Variants in CORIN observed in about 807,000 individuals in gnomAD.
CORIN encodes corin, serine peptidase.
Under a neutral mutation model 125.3 loss-of-function variants are expected in CORIN, and 117 were observed. The observed-to-expected ratio is 0.93, with a 90% CI of 0.80 to 1.09. The LOEUF is 1.09. Among genes scored for constraint, CORIN ranks in the 50% least tolerant of loss-of-function variants. CORIN has a pLI of 0.00. For missense variants in CORIN, 1,253 were observed against 1,306.7 expected (o/e 0.96, Z 0.63); for synonymous variants, 450 against 466.4 (o/e 0.96, Z 0.45).
rs939364908 is a variant in CORIN at position 47,692,198 on chromosome 4, C to T, written c.913+772G>A. On this transcript the variant is annotated intron_variant, in intron 6 of 21. Transcript: ENST00000273857. ...ACTAACTGTGGCTGTTTATATAACCCTTAAAGAACAATTAGAACTCTTGCA... is the reference window on the plus strand; with the variant it reads ...ACTAACTGTGGCTGTTTATATAACCTTTAAAGAACAATTAGAACTCTTGCA... 3.3e-5 allele frequency among the ~76,000 whole-genome samples: 5 copies of T among 152,184 alleles called. No homozygotes were observed. In the East Asian group the frequency reaches 9.6e-4, roughly 29 times the overall value.
chr4:47,817,589 C>T (rs1404706365), intron 1 of CORIN, among the ~76,000 whole-genome samples: 1 of 152,182 alleles, frequency 6.6e-6, no homozygotes, highest in Non-Finnish European at 1.5e-5. Flanking sequence ...TGCCTGGAAA[C>T]TACAAAACAG....
intron 6 of CORIN, among the ~76,000 whole-genome samples, chr4:47,692,226 T>C (rs16860591): frequency 0.048 from 7,314 of 152,300 alleles, 549 homozygotes; most frequent in African/African-American, 0.16. Context: ...CTCTTGCATG[T>C]AGTGTTCTAA....
At chr4:47,619,610 C>T (rs1007126885) in intron 19 of CORIN, among the ~76,000 whole-genome samples, 2 of 152,120 alleles carry the variant, frequency 1.3e-5, no homozygotes, top group African/African-American at 4.8e-5. Context: ...CTTACCAAGG[C>T]CTTTAATATT....
chr4:47,632,725 T>TATAGATA (rs5858081), intron 16 of CORIN, among the ~76,000 whole-genome samples: 2 of 126,762 alleles, frequency 1.6e-5, no homozygotes, highest in Middle Eastern at 3.8e-3. Context: ...TGACAATAGA[T>TATAGATA]GATAGATAGA....
At chr4:47,616,358 T>C (rs963569236) in intron 19 of CORIN, among the ~76,000 whole-genome samples, 3 of 151,934 alleles carry the variant, frequency 2.0e-5, no homozygotes, top group African/African-American at 7.3e-5. Flanking sequence ...TCAGGACAGG[T>C]ATATAAACCA....
At chr4:47,607,462 T>A (rs1721698616) in intron 19 of CORIN, among the ~76,000 whole-genome samples, 1 of 152,148 alleles carries the variant, frequency 6.6e-6, no homozygotes, top group Admixed American at 6.5e-5. Context: ...ATTCACATAA[T>A]TTTTTGTATT....
chr4:47,647,362 A>G (rs1235565747), intron 13 of CORIN, among the ~76,000 whole-genome samples: 2 of 152,134 alleles, frequency 1.3e-5, no homozygotes, highest in Non-Finnish European at 2.9e-5. Context: ...ATAGAGAATG[A>G]AATAAAATAG....
chr4:47,727,052 G>A (rs1264761355), intron 5 of CORIN, among the ~76,000 whole-genome samples: 2 of 151,966 alleles, frequency 1.3e-5, no homozygotes, highest in African/African-American at 4.8e-5. Context: ...GACCATGCAT[G>A]GCTTTACTGA....
At chr4:47,675,795 A>G (rs1724989262) in intron 9 of CORIN, among the ~76,000 whole-genome samples, 1 of 152,040 alleles carries the variant, frequency 6.6e-6, no homozygotes, top group Non-Finnish European at 1.5e-5. Flanking sequence ...CTAGTCTCAA[A>G]CTCCTGGTCT....
Position 47,665,105 on chromosome 4 carries a change from G to A in CORIN, c.1516C>T (p.Leu506Phe). ...AAAATGGTGCAAGAAAAGAACATGA[G>A]GTATTTATAACAGTTGGTTTGAACA... ...ALVQTNCYKY[L>F]MFFSCTILVP... The change falls in exon 11 of 22, where the codon CTC becomes TTC. Residue 506 changes from leucine to phenylalanine, a missense_variant. Coordinates refer to ENST00000273857, the MANE Select transcript of CORIN (RefSeq NM_006587.4). The A allele has an allele frequency of 6.2e-7, 1 of 1,613,750 alleles. No individual in the cohort carries two copies. Among genetic ancestry groups the A allele is most frequent in the Non-Finnish European group, 8.5e-7 (1 of 1,179,800 alleles).
At chr4:47,804,504 A>T (rs1365820853) in intron 2 of CORIN, among the ~76,000 whole-genome samples, 4 of 152,178 alleles carry the variant, frequency 2.6e-5, no homozygotes, top group Non-Finnish European at 5.9e-5. Flanking sequence ...GTGCATATAT[A>T]CAATGGAGTA....
intron 3 of CORIN, among the ~76,000 whole-genome samples, chr4:47,772,675 C>T (rs571056140): frequency 1.3e-5 from 2 of 152,228 alleles, no homozygotes; most frequent in South Asian, 2.1e-4. Flanking sequence ...GTTTCCTCAT[C>T]TGTAAAATGG....
intron 21 of CORIN, among the ~76,000 whole-genome samples, chr4:47,599,938 C>A (rs528776848): frequency 6.6e-6 from 1 of 152,288 alleles, no homozygotes; most frequent in Non-Finnish European, 1.5e-5. Flanking sequence ...ATGAGATGAA[C>A]AGGAAAAATT....
intron 12 of CORIN, among the ~76,000 whole-genome samples, chr4:47,655,077 G>C (rs1182922307): frequency 2.6e-5 from 4 of 152,022 alleles, no homozygotes; most frequent in Non-Finnish European, 5.9e-5. Flanking sequence ...CAACCAAAAG[G>C]GAACCCACTG....
At chr4:47,808,052 G>A (rs1577941021) in intron 1 of CORIN, among the ~76,000 whole-genome samples, 1 of 152,112 alleles carries the variant, frequency 6.6e-6, no homozygotes, top group African/African-American at 2.4e-5. Context: ...CCAATGCCTG[G>A]TGGGTAGCAG....
In CORIN at chr4:47,738,219, C is replaced by T. The variant is rs4131599; in HGVS notation, c.799+6183G>A. Reference sequence around the variant, plus strand: ...GACCCAGAAAGGCCCAAATATCTCACCTGTGGCAGACATTGAGACCCTGTA... The same window carrying T: ...GACCCAGAAAGGCCCAAATATCTCATCTGTGGCAGACATTGAGACCCTGTA... On this transcript the variant is annotated intron_variant, in intron 5 of 21. Transcript: ENST00000273857. Among the ~76,000 whole-genome samples the T allele has an allele frequency of 3.4e-3, 514 of 152,176 alleles. 22 individuals are homozygous for T. The East Asian group carries it at 0.087, about 26-fold the overall frequency.
chr4:47,807,284 G>A lies in CORIN; in HGVS notation c.64-237C>T, dbSNP rs577991416. 2.0e-5 allele frequency among the ~76,000 whole-genome samples: 3 copies of A among 152,290 alleles called. No individual in the cohort carries two copies. The East Asian group carries it at 5.8e-4, about 29-fold the overall frequency. ...CTGAAACATTTTTCGGAAGTACATA[G>A]GCTTTTAACAATATCCCATTTTGCT... is the stretch of plus-strand genomic sequence containing the variant. On this transcript the variant is annotated intron_variant, in intron 1 of 21. Transcript: ENST00000273857.
intron 11 of CORIN, 88 bp from the exon 12 acceptor site, chr4:47,661,944 G>C: frequency 7.7e-7 from 1 of 1,298,260 alleles, no homozygotes; most frequent in South Asian, 1.7e-5. Flanking sequence ...TTTTAATTCT[G>C]TGTATGTGGC....
intron 1 of CORIN, among the ~76,000 whole-genome samples, chr4:47,811,509 A>ATT (rs1434767358): frequency 6.6e-6 from 1 of 152,148 alleles, no homozygotes; most frequent in Admixed American, 6.6e-5. Context: ...GGCAGACAAT[A>ATT]TTTGAGAGCT....
Sources: gnomAD v4.1 joint callset for allele counts (sites outside exome capture counted in the v4.1 genomes callset) on GRCh38, gnomAD v4.1.1 for gene constraint, MANE v1.5 for transcripts, NCBI Gene and HGNC (gene_info 2026-07-23, HGNC 2026-07-21) for gene names.